Variants in MAF observed in about 807,000 individuals in gnomAD.
MAF encodes MAF bZIP transcription factor, also known as transcription factor Maf.
MAF carries 10 observed loss-of-function variants against 22.0 expected under a neutral mutation model. The ratio of observed to expected loss-of-function variants is 0.45; its 90% CI spans 0.28 to 0.77. MAF has a LOEUF of 0.77. Among genes scored for constraint, MAF ranks in the 30% least tolerant of loss-of-function variants. The pLI, the probability that MAF is intolerant of heterozygous loss-of-function variation, is 0.12. For synonymous variants in MAF, 337 were observed against 255.8 expected, an observed-to-expected ratio of 1.32 and a Z score of -3.03; for missense variants, 544 against 548.4, an observed-to-expected ratio of 0.99 and a Z score of 0.08.
chr16:79,479,112 T>G, the MAF span, among the ~76,000 whole-genome samples: 2 of 150,700 alleles, frequency 1.3e-5, no homozygotes, highest in Non-Finnish European at 3.0e-5. Flanking sequence ...CACCCCAGCA[T>G]ATCTGTATAC....
the MAF span, among the ~76,000 whole-genome samples, chr16:79,272,234 T>G: frequency 6.6e-6 from 1 of 152,224 alleles, no homozygotes; most frequent in African/African-American, 2.4e-5. Context: ...GTGCTCTCTG[T>G]GTTTGAAGGT....
the MAF span, among the ~76,000 whole-genome samples, chr16:79,353,374 C>G: frequency 1.3e-5 from 2 of 152,198 alleles, no homozygotes; most frequent in Non-Finnish European, 1.5e-5. Flanking sequence ...AGTGATCCGC[C>G]TGCCTCGGCC....
At chr16:79,339,933 G>A in the MAF span, among the ~76,000 whole-genome samples, 2 of 152,144 alleles carry the variant, frequency 1.3e-5, no homozygotes, top group Admixed American at 6.5e-5. Context: ...TATTTAGCAA[G>A]TTCTTCAATT....
chr16:79,547,868 G>C, the MAF span, among the ~76,000 whole-genome samples: 21 of 139,574 alleles, frequency 1.5e-4, no homozygotes, highest in African/African-American at 5.9e-4. Context: ...CTATCTCCTT[G>C]TGTGTGTGTG....
chr16:79,227,262 G>C, the MAF span, among the ~76,000 whole-genome samples: 1 of 152,052 alleles, frequency 6.6e-6, no homozygotes, highest in African/African-American at 2.4e-5. Context: ...GAGGTAGGGG[G>C]ATCGCCTGGG....
intron 1 of MAF, chr16:79,597,845 GA>G (rs1321660681): frequency 2.0e-6 from 2 of 1,021,710 alleles, no homozygotes; most frequent in East Asian, 1.3e-4. Context: ...TAAAGTCTTT[GA>G]AACAGTTATA....
chr16:79,570,151 G>A, the MAF span, among the ~76,000 whole-genome samples: 3 of 151,756 alleles, frequency 2.0e-5, no homozygotes, highest in Non-Finnish European at 2.9e-5. Context: ...TGCTTTTCAT[G>A]CTGTTGGACA....
chr16:79,548,636 T>C, the MAF span, among the ~76,000 whole-genome samples: 2 of 152,196 alleles, frequency 1.3e-5, no homozygotes, highest in East Asian at 3.9e-4. Flanking sequence ...CTTGTTTTAT[T>C]TTGTGGATGG....
At chr16:79,344,006 G>A in the MAF span, among the ~76,000 whole-genome samples, 2 of 152,308 alleles carry the variant, frequency 1.3e-5, no homozygotes, top group African/African-American at 4.8e-5. Flanking sequence ...GGTCCAGTGA[G>A]TGTCATTTGC....
chr16:79,538,433 C>T, the MAF span, among the ~76,000 whole-genome samples: 10 of 151,986 alleles, frequency 6.6e-5, no homozygotes, highest in Non-Finnish European at 1.0e-4. Flanking sequence ...TTTAAATGTC[C>T]GATATAAAAA....
the MAF span, chr16:79,212,235 G>C: frequency 7.3e-7 from 1 of 1,368,576 alleles, no homozygotes; most frequent in Non-Finnish European, 9.6e-7. Context: ...ACTGCTCCTT[G>C]CTGCATTGAT....
the MAF span, among the ~76,000 whole-genome samples, chr16:79,300,114 G>A: frequency 0.18 from 26,970 of 152,174 alleles, 2,935 homozygotes; most frequent in East Asian, 0.54. Flanking sequence ...GGAGGATCAA[G>A]TATTAATATA....
chr16:79,296,228 T>G, the MAF span, among the ~76,000 whole-genome samples: 1 of 152,250 alleles, frequency 6.6e-6, no homozygotes, highest in African/African-American at 2.4e-5. Context: ...TTTATAGATC[T>G]GTTCAGGAAC....
chr16:79,580,788 T>G, the MAF span, among the ~76,000 whole-genome samples: 239 of 149,320 alleles, frequency 1.6e-3, 1 homozygote, highest in African/African-American at 5.4e-3. Flanking sequence ...TAGGTAATGG[T>G]GAGAAACTGT....
the MAF span, among the ~76,000 whole-genome samples, chr16:79,444,193 T>TAC: frequency 3.3e-5 from 5 of 151,316 alleles, no homozygotes; most frequent in Admixed American, 2.6e-4. Flanking sequence ...TACACACACA[T>TAC]ACACACACAC....
chr16:79,439,073 G>A, the MAF span, among the ~76,000 whole-genome samples: 3 of 152,128 alleles, frequency 2.0e-5, no homozygotes, highest in South Asian at 6.3e-4. Context: ...AGAGGCAGAG[G>A]CAGGGATTGA....
chr16:79,588,821 T>C (rs955412583), intron 1 of MAF, among the ~76,000 whole-genome samples: 1 of 151,398 alleles, frequency 6.6e-6, no homozygotes, highest in African/African-American at 2.4e-5. Flanking sequence ...CAGGAAAAAA[T>C]AAATGAATAA....
chr16:79,370,384 G>T, the MAF span, among the ~76,000 whole-genome samples: 1 of 152,124 alleles, frequency 6.6e-6, no homozygotes, highest in Admixed American at 6.5e-5. Context: ...TAATGTGCTG[G>T]GTGGTCCTTT....
At chr16:79,577,307 G>C in the MAF span, among the ~76,000 whole-genome samples, 1 of 152,152 alleles carries the variant, frequency 6.6e-6, no homozygotes, top group African/African-American at 2.4e-5. Context: ...TACATGTGCT[G>C]AGGTGAAAAA....
Sources: allele counts gnomAD v4.1 joint callset (sites outside exome capture counted in the v4.1 genomes callset), GRCh38; gene constraint gnomAD v4.1.1; transcripts MANE v1.5; gene names NCBI Gene and HGNC (gene_info 2026-07-23, HGNC 2026-07-21).